The following MCTP2 variants were observed in gnomAD, a reference collection of about 807,000 sequenced individuals.
MCTP2 encodes the protein multiple C2 and transmembrane domain-containing protein 2.
Under a neutral mutation model 111.6 loss-of-function variants are expected in MCTP2, and 132 were observed. The ratio of observed to expected loss-of-function variants is 1.18; its 90% CI spans 1.03 to 1.37. The LOEUF is 1.37. Among genes scored for constraint, MCTP2 ranks in the 40% most tolerant of loss-of-function variants. The pLI, the probability that MCTP2 is intolerant of heterozygous loss-of-function variation, is 0.00. For synonymous variants in MCTP2, 395 were observed against 387.7 expected (o/e 1.02, Z -0.22); for missense variants, 1,183 against 1,067.9 (o/e 1.11, Z -1.50).
In MCTP2 at chr15:94,478,894, G is replaced by T. The variant is rs1018191630; in HGVS notation, c.2569-72G>T. On this transcript the variant is annotated intron_variant, in intron 22 of 22. Coordinates refer to ENST00000357742, the MANE Select transcript of MCTP2 (RefSeq NM_001385001.1). ...TTCCTTTGCCTTCGGTTGTCCTTGGGGAGCCATTAGCACACACTGTGGCGA... is the reference window on the plus strand; with the variant it reads ...TTCCTTTGCCTTCGGTTGTCCTTGGTGAGCCATTAGCACACACTGTGGCGA... 3.0e-6 allele frequency: 4 copies of T among 1,339,538 alleles called. No homozygotes were observed. The East Asian group carries it at 9.3e-5, about 31-fold the overall frequency. 83.0% of individuals were successfully genotyped at this position (1,339,538 alleles called of 1,614,324 possible). A position where few individuals can be genotyped will look rare whatever the true frequency, so the allele number is the denominator to read the frequency against.
intron 19 of MCTP2, among the ~76,000 whole-genome samples, chr15:94,455,925 T>C (rs898090452): frequency 2.0e-5 from 3 of 152,220 alleles, no homozygotes; most frequent in African/African-American, 7.2e-5. Context: ...AATATATGAA[T>C]ATATATCACA....
At chr15:94,360,264 T>C (rs2078857549) in intron 10 of MCTP2, among the ~76,000 whole-genome samples, 1 of 152,176 alleles carries the variant, frequency 6.6e-6, no homozygotes, top group African/African-American at 2.4e-5. Flanking sequence ...CAGGTTTGCA[T>C]TTAGGAGAAA....
intron 13 of MCTP2, among the ~76,000 whole-genome samples, chr15:94,384,847 G>T (rs2080364526): frequency 6.6e-6 from 1 of 152,112 alleles, no homozygotes; most frequent in Admixed American, 6.5e-5. Context: ...TTTGCCAATG[G>T]CCAGATATAA....
At chr15:94,232,213 C>A (rs2070227822) in intron 1 of MCTP2, among the ~76,000 whole-genome samples, 1 of 152,100 alleles carries the variant, frequency 6.6e-6, no homozygotes, top group Admixed American at 6.5e-5. Context: ...ACTTGAGTGG[C>A]GATTAGTTTC....
At chr15:94,475,408 T>C (rs2074270417) in intron 21 of MCTP2, among the ~76,000 whole-genome samples, 1 of 152,168 alleles carries the variant, frequency 6.6e-6, no homozygotes, top group Non-Finnish European at 1.5e-5. Flanking sequence ...GAGGTTGGCA[T>C]TGTGTCAGGT....
chr15:94,301,173 C>T (rs1193576731), intron 2 of MCTP2, among the ~76,000 whole-genome samples: 1 of 152,056 alleles, frequency 6.6e-6, no homozygotes, highest in African/African-American at 2.4e-5. Context: ...AAACAAAGAC[C>T]AAGACTGATT....
At chr15:94,322,064 T>C (rs1232888530) in intron 4 of MCTP2, among the ~76,000 whole-genome samples, 1 of 152,236 alleles carries the variant, frequency 6.6e-6, no homozygotes, top group East Asian at 1.9e-4. Flanking sequence ...ACAAAAATTC[T>C]GTATAAGTGA....
chr15:94,250,104 A>G (rs2072305115), intron 1 of MCTP2, among the ~76,000 whole-genome samples: 1 of 152,114 alleles, frequency 6.6e-6, no homozygotes, highest in Non-Finnish European at 1.5e-5. Flanking sequence ...AGCCATAAAC[A>G]TAGTTTTGGT....
At chr15:94,384,682 T>C (rs1479460129) in intron 13 of MCTP2, among the ~76,000 whole-genome samples, 1 of 152,196 alleles carries the variant, frequency 6.6e-6, no homozygotes, top group Non-Finnish European at 1.5e-5. Context: ...CTGTTGAATT[T>C]GGGTAAAATG....
chr15:94,272,677 C>A (rs1424827416), intron 1 of MCTP2, among the ~76,000 whole-genome samples: 1 of 152,068 alleles, frequency 6.6e-6, no homozygotes, highest in African/African-American at 2.4e-5. Context: ...CTATAAAACA[C>A]CCTTCCTTTG....
chr15:94,452,314 A>AT (rs889936282), intron 19 of MCTP2, among the ~76,000 whole-genome samples: 18 of 152,224 alleles, frequency 1.2e-4, no homozygotes, highest in Admixed American at 1.2e-3. Flanking sequence ...TGAAAAGAGC[A>AT]TTTGCTATTA....
chr15:94,443,190 G>A (rs775456393), intron 19 of MCTP2, among the ~76,000 whole-genome samples: 1 of 151,942 alleles, frequency 6.6e-6, no homozygotes, highest in Admixed American at 6.6e-5. Context: ...GTTATAAAAA[G>A]CATAACTATA....
chr15:94,250,273 A>T (rs2072317670), intron 1 of MCTP2, among the ~76,000 whole-genome samples: 1 of 152,114 alleles, frequency 6.6e-6, no homozygotes, highest in Non-Finnish European at 1.5e-5. Context: ...AAAATATATC[A>T]CTTAATATGC....
chr15:94,251,944 A>C (rs2072462289), intron 1 of MCTP2, among the ~76,000 whole-genome samples: 1 of 152,224 alleles, frequency 6.6e-6, no homozygotes, highest in Non-Finnish European at 1.5e-5. Flanking sequence ...AGGTTCATCC[A>C]CGTCCTAGCA....
chr15:94,352,427 G>A (rs1251400315), intron 8 of MCTP2, among the ~76,000 whole-genome samples: 1 of 152,198 alleles, frequency 6.6e-6, no homozygotes, highest in Non-Finnish European at 1.5e-5. Flanking sequence ...TGAGGTGGGG[G>A]CTGAGAAAGA....
intron 20 of MCTP2, among the ~76,000 whole-genome samples, chr15:94,460,873 A>C (rs1487878985): frequency 6.6e-6 from 1 of 152,244 alleles, no homozygotes; most frequent in African/African-American, 2.4e-5. Context: ...CCTGCTGGGC[A>C]TTCAAGTGGG....
chr15:94,284,109 A>G (rs1236102461), intron 1 of MCTP2, among the ~76,000 whole-genome samples: 1 of 152,210 alleles, frequency 6.6e-6, no homozygotes, highest in Non-Finnish European at 1.5e-5. Context: ...AGTTTAAAAT[A>G]TATGCGACCT....
At chr15:94,314,643 A>G (rs1191962335) in intron 3 of MCTP2, 2 of 531,792 alleles carry the variant, frequency 3.8e-6, no homozygotes, top group African/African-American at 1.9e-5. Flanking sequence ...GAAGGCTGTC[A>G]AGGGTGGCTT....
intron 1 of MCTP2, among the ~76,000 whole-genome samples, chr15:94,239,482 C>T (rs747107352): frequency 6.6e-6 from 1 of 152,152 alleles, no homozygotes; most frequent in East Asian, 1.9e-4. Context: ...TTGAAGACTT[C>T]TTGTTTGTTG....
Sources: gnomAD v4.1 joint callset for allele counts (sites outside exome capture counted in the v4.1 genomes callset) on GRCh38, gnomAD v4.1.1 for gene constraint, MANE v1.5 for transcripts, NCBI Gene and HGNC (gene_info 2026-07-23, HGNC 2026-07-21) for gene names.